Variants in TMEM120B observed in about 807,000 individuals in gnomAD.
The protein encoded by TMEM120B is transmembrane protein 120B.
Under a neutral mutation model 55.5 loss-of-function variants are expected in TMEM120B, and 31 were observed. The ratio of observed to expected loss-of-function variants is 0.56; its 90% CI spans 0.42 to 0.75. The LOEUF (loss-of-function observed/expected upper bound fraction) is 0.75. Ranked by LOEUF, TMEM120B falls within the 30% of genes least tolerant of loss-of-function variation. The pLI is 0.00. For synonymous variants in TMEM120B, 203 were observed against 176.3 expected, an observed-to-expected ratio of 1.15 and a Z score of -1.20; for missense variants, 399 against 425.5, an observed-to-expected ratio of 0.94 and a Z score of 0.55.
intron 2 of TMEM120B, among the ~76,000 whole-genome samples, chr12:121,747,120 C>T (rs906256663): frequency 2.5e-4 from 38 of 152,252 alleles, no homozygotes; most frequent in African/African-American, 4.8e-4. Flanking sequence ...GAGGTTATCC[C>T]GGCTTTTCAG....
chr12:121,740,723 C>T lies in TMEM120B; in HGVS notation c.70-2906C>T, dbSNP rs185682141. On this transcript the variant is annotated intron_variant, in intron 1 of 11. Transcript: ENST00000449592. ...GTGGACATGCAGTTGAAACCCGTGT[C>T]GTTTAAGGGTCAGTTGCATTTGATA... 2.0e-5 allele frequency among the ~76,000 whole-genome samples: 3 copies of T among 151,702 alleles called. No individual in the cohort carries two copies. The East Asian group carries it at 5.8e-4, about 29-fold the overall frequency.
rs1162975744 is a variant in TMEM120B at position 121,730,667 on chromosome 12, AC to A, written c.70-12961del. On this transcript the variant is annotated intron_variant, in intron 1 of 11. Coordinates refer to ENST00000449592, the MANE Select transcript of TMEM120B (RefSeq NM_001080825.2). ...ACAGTCAAAAAAAAAAAAAAAACAA[AC>A]AAAAAAAAACCGGGCGCGGTGGCTC... Among the ~76,000 whole-genome samples the A allele has an allele frequency of 7.4e-4, 103 of 139,896 alleles. 1 individual carries two copies. The highest frequency in any genetic ancestry group is 2.6e-3 in the African/African-American group (96 of 37,108). The allele number at this position is 139,896 out of a possible 152,430, so 91.8% of individuals were successfully genotyped here. A position where few individuals can be genotyped will look rare whatever the true frequency, so the allele number is the denominator to read the frequency against.
chr12:121,781,279 C>A lies in TMEM120B; in HGVS notation c.*5557C>A. The A allele has an allele frequency of 8.1e-7, 1 of 1,240,596 alleles. No homozygotes were observed. Among genetic ancestry groups the A allele is most frequent in the Non-Finnish European group, 1.2e-6 (1 of 864,278 alleles). 76.8% of individuals were successfully genotyped at this position (1,240,596 alleles called of 1,614,324 possible). A position where few individuals can be genotyped will look rare whatever the true frequency, so the allele number is the denominator to read the frequency against. Reference sequence around the variant, plus strand: ...GAAGGGGAAGGGGCCAGGCAAGTGACCCTGCCTTAGGGCCTCAATTTCCTC... The same window carrying A: ...GAAGGGGAAGGGGCCAGGCAAGTGAACCTGCCTTAGGGCCTCAATTTCCTC... On this transcript the variant is annotated 3_prime_UTR_variant, in exon 12 of 12. Transcript: ENST00000449592.
chr12:121,721,804 CTTTTT>C (rs56702857), intron 1 of TMEM120B, among the ~76,000 whole-genome samples: 5 of 91,852 alleles, frequency 5.4e-5, no homozygotes, highest in South Asian at 7.7e-4. Flanking sequence ...ATCAGTTCTA[CTTTTT>C]TTTTTTTTTT....
chr12:121,712,923 C>G lies in TMEM120B; in HGVS notation c.28C>G (p.Arg10Gly), dbSNP rs1412699394. ...GTCCGGGCAGCTGGAGCGTTGCGAG[C>G]GCGAATGGCACGAGCTGGAGGGAGA... The part of the protein sequence containing the change: MSGQLERCE[R>G]EWHELEGEFQ... Residue 10 changes from arginine to glycine, a missense_variant, in exon 1 of 12, where the codon CGC (arginine) becomes GGC (glycine). Physicochemically the swap from Arg to Gly is moderately radical, Grantham distance 125 (BLOSUM62 -2). This residue lies in a region of TMEM120B where 6 missense variants were observed against 17.6 expected (regional missense o/e 0.34). Coordinates refer to ENST00000449592, the MANE Select transcript of TMEM120B (RefSeq NM_001080825.2). 1.3e-6 allele frequency: 2 copies of G among 1,534,496 alleles called. No individual in the cohort carries two copies. The highest frequency in any genetic ancestry group is 2.9e-5 in the African/African-American group (2 of 69,202).
intron 1 of TMEM120B, among the ~76,000 whole-genome samples, chr12:121,723,858 G>C (rs1003899029): frequency 6.6e-6 from 1 of 151,908 alleles, no homozygotes; most frequent in Non-Finnish European, 1.5e-5. Flanking sequence ...ACTAGAGTGC[G>C]GGGGTGTGAT....
chr12:121,730,946 G>A (rs1033233775), intron 1 of TMEM120B, among the ~76,000 whole-genome samples: 5 of 151,040 alleles, frequency 3.3e-5, no homozygotes, highest in African/African-American at 9.7e-5. Flanking sequence ...TAACAAGAGC[G>A]AAACTCTGTC....
intron 1 of TMEM120B, among the ~76,000 whole-genome samples, chr12:121,719,007 G>C (rs907285097): frequency 6.6e-6 from 1 of 152,160 alleles, no homozygotes; most frequent in African/African-American, 2.4e-5. Context: ...AGCTCTGGCA[G>C]AAACAGAGCA....
In TMEM120B at chr12:121,757,895, C is replaced by T. The variant is rs1165804451; in HGVS notation, c.462-3754C>T. ...CTTGAACTCCTGACCTCAAGTGATC[C>T]ACCCACGTTAGCCTCCCAGAGTGCT... On this transcript the variant is annotated intron_variant, in intron 5 of 11. Coordinates refer to ENST00000449592, the MANE Select transcript of TMEM120B (RefSeq NM_001080825.2). Among the ~76,000 whole-genome samples, 2 of 152,200 alleles carry T rather than the reference C, an allele frequency of 1.3e-5. 1 individual carries two copies. The highest frequency in any genetic ancestry group is 4.8e-5 in the African/African-American group (2 of 41,456).
At chr12:121,744,010 T>C (rs1051566784) in intron 2 of TMEM120B, among the ~76,000 whole-genome samples, 1 of 152,046 alleles carries the variant, frequency 6.6e-6, no homozygotes. Context: ...CCAGCCTTGC[T>C]TCCTGCCGGC....
chr12:121,750,726 T>A (rs1460500104), intron 4 of TMEM120B, among the ~76,000 whole-genome samples: 7 of 57,282 alleles, frequency 1.2e-4, no homozygotes, highest in Admixed American at 4.2e-4. Flanking sequence ...ACCCACACCC[T>A]ACACCCACAC....
chr12:121,734,935 C>T (rs567124217), intron 1 of TMEM120B, among the ~76,000 whole-genome samples: 2 of 151,012 alleles, frequency 1.3e-5, no homozygotes, highest in South Asian at 2.1e-4. Flanking sequence ...AAAAAAAGGA[C>T]ATTAATATTT....
chr12:121,764,427 A>G (rs1873780126), intron 6 of TMEM120B, among the ~76,000 whole-genome samples: 1 of 152,164 alleles, frequency 6.6e-6, no homozygotes, highest in African/African-American at 2.4e-5. Context: ...AGGCTGAGGC[A>G]GGAGAATTGC....
chr12:121,745,344 A>C (rs1409986754), intron 2 of TMEM120B, among the ~76,000 whole-genome samples: 15 of 152,184 alleles, frequency 9.9e-5, no homozygotes, highest in Non-Finnish European at 2.2e-4. Flanking sequence ...TCTCTTGGTC[A>C]TCTGTAGGTT....
At chr12:121,765,177 T>C (rs1873809573) in intron 6 of TMEM120B, among the ~76,000 whole-genome samples, 1 of 149,192 alleles carries the variant, frequency 6.7e-6, no homozygotes, top group Non-Finnish European at 1.5e-5. Flanking sequence ...TCACTTAGGC[T>C]GGAGTGCAGT....
chr12:121,741,426 T>C (rs1194761158), intron 1 of TMEM120B, among the ~76,000 whole-genome samples: 4 of 152,012 alleles, frequency 2.6e-5, no homozygotes, highest in Non-Finnish European at 5.9e-5. Context: ...GCCTCCCGGG[T>C]TCAAGCGATT....
chr12:121,766,264 C>T (rs1323878334), intron 6 of TMEM120B, among the ~76,000 whole-genome samples: 1 of 152,092 alleles, frequency 6.6e-6, no homozygotes, highest in Non-Finnish European at 1.5e-5. Context: ...TGGTGCCTGC[C>T]AAGTGAGATG....
intron 1 of TMEM120B, among the ~76,000 whole-genome samples, chr12:121,728,755 G>A (rs751793621): frequency 1.3e-5 from 2 of 152,170 alleles, no homozygotes; most frequent in Non-Finnish European, 2.9e-5. Flanking sequence ...AGGAGCTCAG[G>A]TGCAATCATT....
chr12:121,731,750 C>T (rs1319169389), intron 1 of TMEM120B, among the ~76,000 whole-genome samples: 3 of 152,144 alleles, frequency 2.0e-5, no homozygotes, highest in African/African-American at 7.2e-5. Flanking sequence ...AATGCCATCG[C>T]ATTGTACAAT....
Sources: gnomAD v4.1 joint callset for allele counts (sites outside exome capture counted in the v4.1 genomes callset) on GRCh38, gnomAD v4.1.1 for gene constraint, gnomAD v4.1.1 regional missense constraint, MANE v1.5 for transcripts, NCBI Gene and HGNC (gene_info 2026-07-23, HGNC 2026-07-21) for gene names.